The following TRABD2B variants were observed in gnomAD, a reference collection of about 807,000 sequenced individuals.
The protein encoded by TRABD2B is TraB domain containing 2B, also known as metalloprotease TIKI2.
In TRABD2B, 14 loss-of-function variants were observed where a neutral mutation model predicts 40.1. The ratio of observed to expected loss-of-function variants is 0.35; its 90% CI spans 0.23 to 0.55. The LOEUF is 0.55. Among genes scored for constraint, TRABD2B ranks in the 20% least tolerant of loss-of-function variants. The pLI is 0.90. For synonymous variants in TRABD2B, 263 were observed against 277.0 expected, an observed-to-expected ratio of 0.95 and a Z score of 0.50; for missense variants, 541 against 648.6, an observed-to-expected ratio of 0.83 and a Z score of 1.80.
chr1:47,929,655 G>A (rs546561634), intron 2 of TRABD2B, among the ~76,000 whole-genome samples: 97 of 152,286 alleles, frequency 6.4e-4, no homozygotes, highest in Middle Eastern at 3.4e-3. Flanking sequence ...TGCACTCCCA[G>A]GGGTCGGCCT....
chr1:47,995,971 T>C (rs1351989949), intron 1 of TRABD2B, among the ~76,000 whole-genome samples: 3 of 152,230 alleles, frequency 2.0e-5, no homozygotes, highest in African/African-American at 7.2e-5. Context: ...TGCATTAATT[T>C]ACACTTAGAG....
intron 2 of TRABD2B, among the ~76,000 whole-genome samples, chr1:47,891,799 T>C (rs1644448727): frequency 6.6e-6 from 1 of 150,722 alleles, no homozygotes; most frequent in Non-Finnish European, 1.5e-5. Context: ...AAGACCCAAT[T>C]TCAAACAAAA....
chr1:47,879,590 A>G (rs1340213), intron 2 of TRABD2B, among the ~76,000 whole-genome samples: 2,599 of 152,372 alleles, frequency 0.017, 41 homozygotes, highest in Non-Finnish European at 0.029. Context: ...GCATGACTCT[A>G]TACCTGTGGA....
At chr1:47,766,990 AGGCGGG>A (rs1163941173) in intron 6 of TRABD2B, among the ~76,000 whole-genome samples, 1 of 152,136 alleles carries the variant, frequency 6.6e-6, no homozygotes, top group Non-Finnish European at 1.5e-5. Context: ...GGGAAGCTGG[AGGCGGG>A]GGCAGGGGGT....
rs1274426164 is a variant in TRABD2B, at chr1:47,775,313, A to G, written c.1206T>C (p.Asp402=). 2.4e-6 allele frequency: 3 copies of G among 1,246,750 alleles called. No homozygotes were observed. Among genetic ancestry groups the G allele is most frequent in the Middle Eastern group, 2.4e-4 (1 of 4,180 alleles). 77.2% of individuals were successfully genotyped at this position (1,246,750 alleles called of 1,614,324 possible). Residue 402 remains aspartate, a synonymous_variant, in exon 6 of 7, where the codon GAT becomes GAC. Coordinates refer to ENST00000606738, the MANE Select transcript of TRABD2B (RefSeq NM_001194986.2). ...VTPTAPPEDE[D]PALSPHLLLP... is the part of the protein sequence containing the mutation. ...GCAGGAGGTGTGGGGACAGGGCTGG[A>G]TCCTCATCCTCTGGTGGGGCGGTGG...
At chr1:47,909,414 C>G (rs1295294440) in intron 2 of TRABD2B, among the ~76,000 whole-genome samples, 1 of 141,464 alleles carries the variant, frequency 7.1e-6, no homozygotes, top group Non-Finnish European at 1.5e-5. Flanking sequence ...GAAAGAGAGA[C>G]AGAGAGAAGG....
intron 4 of TRABD2B, among the ~76,000 whole-genome samples, chr1:47,786,715 G>GT (rs1003563196): frequency 4.8e-4 from 73 of 150,958 alleles, no homozygotes; most frequent in African/African-American, 9.5e-4. Flanking sequence ...CATTTGTTTT[G>GT]TTTTTTTTTA....
intron 5 of TRABD2B, among the ~76,000 whole-genome samples, chr1:47,776,148 C>T (rs1644444568): frequency 6.6e-6 from 1 of 151,880 alleles, no homozygotes; most frequent in Admixed American, 6.6e-5. Context: ...GCAGCCAAAA[C>T]ATTTAAGTAA....
At chr1:47,784,031 C>T (rs1644561419) in intron 4 of TRABD2B, among the ~76,000 whole-genome samples, 1 of 152,216 alleles carries the variant, frequency 6.6e-6, no homozygotes, top group Non-Finnish European at 1.5e-5. Flanking sequence ...GACCTGCACA[C>T]ATGCTCATAC....
rs111770056 is a variant in TRABD2B at position 47,872,992 on chromosome 1, G to A, written c.667-71373C>T. Among the ~76,000 whole-genome samples the A allele has an allele frequency of 5.0e-3, 756 of 152,230 alleles. 5 individuals carry two copies. Among genetic ancestry groups the A allele is most frequent in the Non-Finnish European group, 7.0e-3 (474 of 68,006 alleles). ...GCTGGGAAGTTTAGATCAAAGTGCCGGCAGATTCAGTGCCTGGTGGGGCCC... is the reference window on the plus strand; with the variant it reads ...GCTGGGAAGTTTAGATCAAAGTGCCAGCAGATTCAGTGCCTGGTGGGGCCC... On this transcript the variant is annotated intron_variant, in intron 2 of 6. Transcript: ENST00000606738.
chr1:47,979,505 G>C (rs1157397613), intron 2 of TRABD2B, among the ~76,000 whole-genome samples: 1 of 152,166 alleles, frequency 6.6e-6, no homozygotes, highest in East Asian at 1.9e-4. Flanking sequence ...CCCACCAAGG[G>C]GGCTGAGCGA....
At chr1:47,970,374 C>G (rs1007998521) in intron 2 of TRABD2B, among the ~76,000 whole-genome samples, 17 of 152,096 alleles carry the variant, frequency 1.1e-4, no homozygotes, top group African/African-American at 4.1e-4. Context: ...GGATCTCACT[C>G]CTCCTGACTC....
At chr1:47,787,709 G>A (rs1644615588) in intron 4 of TRABD2B, among the ~76,000 whole-genome samples, 1 of 152,170 alleles carries the variant, frequency 6.6e-6, no homozygotes, top group African/African-American at 2.4e-5. Flanking sequence ...GTTTTAGGCT[G>A]GGTTTTGCTG....
Position 47,964,604 on chromosome 1 carries a change from A to AT in TRABD2B, c.666+29429dup, listed in dbSNP as rs1349877983. ...GACAGAGTTTGAGCCATGGATATTG[A>AT]TATATTTTGGGGGGTAGAAACTTGA... is the stretch of plus-strand genomic sequence containing the variant. On this transcript the variant is annotated intron_variant, in intron 2 of 6. Coordinates refer to ENST00000606738, the MANE Select transcript of TRABD2B (RefSeq NM_001194986.2). Among the ~76,000 whole-genome samples, 4 of 152,102 alleles carry AT rather than the reference A, an allele frequency of 2.6e-5. No individual in the cohort carries two copies. In the East Asian group the frequency reaches 7.7e-4, roughly 29 times the overall value.
At chr1:47,776,741 G>A (rs770343065) in intron 5 of TRABD2B, among the ~76,000 whole-genome samples, 3 of 152,104 alleles carry the variant, frequency 2.0e-5, no homozygotes, top group African/African-American at 4.8e-5. Context: ...CAGGCAGGCC[G>A]TCTTCCCAGC....
intron 2 of TRABD2B, among the ~76,000 whole-genome samples, chr1:47,955,229 T>G (rs555738513): frequency 6.6e-6 from 1 of 152,246 alleles, no homozygotes; most frequent in South Asian, 2.1e-4. Flanking sequence ...AGCCTTTTCA[T>G]TTTCCAGACT....
rs543217834 is a variant in TRABD2B at position 47,801,574 on chromosome 1, G to A, written c.712C>T (p.Arg238Trp). ...TAGGAGGCCTGCAGGCTCCCGGCCC[G>A]CACACTCTCCTGCTGCAGCAGGGTT... is the stretch of plus-strand genomic sequence containing the variant. ...NQTLLQQESV[R>W]AGSLQASYTT... Residue 238 changes from arginine (R) to tryptophan (W), a missense_variant, in exon 3 of 7, where the codon CGG becomes TGG. By Grantham distance (101) the Arg-to-Trp change is moderately radical. Coordinates refer to ENST00000606738, the MANE Select transcript of TRABD2B (RefSeq NM_001194986.2). 3 of 1,535,856 alleles carry A rather than the reference G, an allele frequency of 2.0e-6. No homozygotes were observed. The highest frequency in any genetic ancestry group is 2.0e-5 in the Admixed American group (1 of 50,984).
chr1:47,801,508 G>T lies in TRABD2B; in HGVS notation c.778C>A (p.Leu260Ile). ...DLIKHYNCGD[L>I]SAVIFNHDTS... ...TCGTGGTTGAAGATGACTGCGCTGA[G>T]GTCTCCGCAGTTGTAGTGCTTGATG... Residue 260 changes from leucine (L) to isoleucine (I), a missense_variant, in exon 3 of 7, where the codon CTC becomes ATC. This residue lies in a region of TRABD2B where 369 missense variants were observed against 492.8 expected (regional missense o/e 0.75). Coordinates refer to ENST00000606738, the MANE Select transcript of TRABD2B (RefSeq NM_001194986.2). 6.5e-7 allele frequency: 1 copy of T among 1,536,162 alleles called. No homozygotes were observed. The highest frequency in any genetic ancestry group is 8.7e-7 in the Non-Finnish European group (1 of 1,146,912).
intron 2 of TRABD2B, among the ~76,000 whole-genome samples, chr1:47,949,385 G>C (rs1474360240): frequency 7.7e-6 from 1 of 130,076 alleles, no homozygotes; most frequent in Non-Finnish European, 1.7e-5. Context: ...CTCTATGATT[G>C]TATTTTCTTT....
Sources: allele counts gnomAD v4.1 joint callset (sites outside exome capture counted in the v4.1 genomes callset), GRCh38; gene constraint gnomAD v4.1.1; regional missense constraint gnomAD v4.1.1; transcripts MANE v1.5; gene names NCBI Gene and HGNC (gene_info 2026-07-23, HGNC 2026-07-21).